INSL6: variants seen among roughly 807,000 people sequenced by gnomAD.
INSL6 encodes the protein insulin-like peptide INSL6.
A neutral mutation model predicts 9.4 loss-of-function variants in INSL6; 16 were observed. The ratio of observed to expected loss-of-function variants is 1.70; its 90% CI spans 1.15 to 2.59. The LOEUF (loss-of-function observed/expected upper bound fraction) is 2.59. Among genes scored for constraint, INSL6 ranks in the 30% most tolerant of loss-of-function variants. The probability of loss-of-function intolerance (pLI) is 0.00; values close to 1 mark genes in which losing one functional copy is unlikely to be tolerated. For missense variants in INSL6, 391 were observed against 257.3 expected, an observed-to-expected ratio of 1.52 and a Z score of -3.56; for synonymous variants, 154 against 96.9, an observed-to-expected ratio of 1.59 and a Z score of -3.46.
At chr9:4,992,830 T>G in the INSL6 span, among the ~76,000 whole-genome samples, 1 of 152,210 alleles carries the variant, frequency 6.6e-6, no homozygotes, top group Non-Finnish European at 1.5e-5. Context: ...TCTGTAGCAA[T>G]TCTGCAACCT....
At chr9:5,112,766 CG>C in the INSL6 span, 3 of 621,082 alleles carry the variant, frequency 4.8e-6, no homozygotes, top group Non-Finnish European at 7.5e-6. Flanking sequence ...GAAGGTGTCG[CG>C]CGTGTTCGGA....
In INSL6 at chr9:5,185,345, A is replaced by G. The variant is rs375514333; in HGVS notation, c.258T>C (p.Ala86=). ...SPYQFESPQT[A]SPARGRGTNP... Reference sequence around the variant, plus strand: ...TTGTGCCTCTTCCCCGGGCCGGGGAAGCGGTTTGCGGGCTTTCGAACTGGT... The same window carrying G: ...TTGTGCCTCTTCCCCGGGCCGGGGAGGCGGTTTGCGGGCTTTCGAACTGGT... The change falls in exon 1 of 2, where the codon GCT becomes GCC. Residue 86 remains alanine (A), a synonymous_variant. Coordinates refer to ENST00000381641, the MANE Select transcript of INSL6 (RefSeq NM_007179.3). The G allele has an allele frequency of 2.4e-5, 38 of 1,614,058 alleles. No individual in the cohort carries two copies. In the African/African-American group the frequency reaches 3.3e-4, roughly 14 times the overall value.
chr9:5,170,870 C>G (rs199784377), intron 1 of INSL6, among the ~76,000 whole-genome samples: 1 of 151,998 alleles, frequency 6.6e-6, no homozygotes, highest in Non-Finnish European at 1.5e-5. Flanking sequence ...CCAAAAAAAG[C>G]CCAGGACCAG....
chr9:5,127,384 T>C (rs1313954119), intron 3 of INSL6: 3 of 231,896 alleles, frequency 1.3e-5, no homozygotes, highest in African/African-American at 6.6e-5. Context: ...TGTATACTTT[T>C]AGCTTGTAGT....
chr9:5,049,242 G>A, the INSL6 span, among the ~76,000 whole-genome samples: 1 of 152,078 alleles, frequency 6.6e-6, no homozygotes, highest in Admixed American at 6.6e-5. Context: ...CTCTGCCAAT[G>A]GAAGAGACAT....
At chr9:5,041,149 C>A in the INSL6 span, 22 of 1,118,608 alleles carry the variant, frequency 2.0e-5, no homozygotes, top group Middle Eastern at 4.6e-4. Flanking sequence ...TCCGGCTGAT[C>A]ACGCGCATGG....
rs550893506 is a variant in INSL6, at chr9:5,138,737, A to AT, written c.377-5146_377-5145insA. Among the ~76,000 whole-genome samples the AT allele has an allele frequency of 1.5e-3, 221 of 151,788 alleles. 3 individuals are homozygous for AT. Among genetic ancestry groups the AT allele is most frequent in the South Asian group, 5.6e-3 (27 of 4,780 alleles). ...CCAGAACTTAAACTATAATAAAAAA[A>AT]AATAATAAAAGTACTGAATCCCACT... On this transcript the variant is annotated intron_variant, in intron 2 of 3. Coordinates refer to the INSL6 transcript ENST00000649639.
intron 2 of INSL6, among the ~76,000 whole-genome samples, chr9:5,151,919 A>C (rs1170887313): frequency 6.6e-6 from 1 of 152,220 alleles, no homozygotes; most frequent in Non-Finnish European, 1.5e-5. Flanking sequence ...GAAGATACAG[A>C]TAGGTTAAAA....
At chr9:5,089,663 G>A in the INSL6 span, 1 of 1,283,418 alleles carries the variant, frequency 7.8e-7, no homozygotes, top group Non-Finnish European at 1.0e-6. Context: ...CTAATGTGAT[G>A]TGTCATTTAG....
At position 5,185,613 on chromosome 9, in the gene INSL6, C is replaced by A. The variant is rs1240407888; in HGVS notation, c.-11G>T. ...GAGGAGCCGCGGCATCCCTGTGACC[C>A]CAGGCTAGTCCTCCGCGTTGTGCAA... On this transcript the variant is annotated 5_prime_UTR_variant, in exon 1 of 2. Transcript: ENST00000381641. 1 of 1,606,998 alleles carries A rather than the reference C, an allele frequency of 6.2e-7. No homozygotes were observed. Among genetic ancestry groups the A allele is most frequent in the East Asian group, 2.2e-5 (1 of 44,694 alleles).
downstream of INSL6, among the ~76,000 whole-genome samples, chr9:5,162,180 T>G (rs1365215949): frequency 6.6e-6 from 1 of 152,138 alleles, no homozygotes; most frequent in African/African-American, 2.4e-5. Context: ...ACAAGTAACT[T>G]AACATGGAGC....
chr9:5,157,569 G>A (rs1824839202), intron 2 of INSL6, among the ~76,000 whole-genome samples: 1 of 152,070 alleles, frequency 6.6e-6, no homozygotes, highest in Non-Finnish European at 1.5e-5. Context: ...ACAGAAAAAT[G>A]AACTCAAATG....
the INSL6 span, among the ~76,000 whole-genome samples, chr9:5,015,531 T>C: frequency 2.6e-5 from 2 of 76,158 alleles, no homozygotes; most frequent in African/African-American, 1.3e-4. Flanking sequence ...CTTTTTCTTT[T>C]TCTTTTCTTT....
At chr9:5,107,278 C>A in the INSL6 span, among the ~76,000 whole-genome samples, 37,446 of 151,978 alleles carry the variant, frequency 0.25, 4,993 homozygotes, top group South Asian at 0.3. Context: ...ACTACTACTA[C>A]TAATTACATT....
At chr9:5,025,427 TTTTC>T in the INSL6 span, among the ~76,000 whole-genome samples, 1 of 152,144 alleles carries the variant, frequency 6.6e-6, no homozygotes, top group Non-Finnish European at 1.5e-5. Context: ...GATGGTGGTT[TTTTC>T]TTTCTTCATT....
At chr9:5,170,542 A>C (rs1453565710) in intron 1 of INSL6, among the ~76,000 whole-genome samples, 2 of 147,484 alleles carry the variant, frequency 1.4e-5, no homozygotes, top group Non-Finnish European at 3.0e-5. Flanking sequence ...TCAAACAATC[A>C]ATGAATCCAG....
chr9:5,178,115 T>G (rs922287469), intron 1 of INSL6, among the ~76,000 whole-genome samples: 1 of 152,184 alleles, frequency 6.6e-6, no homozygotes, highest in South Asian at 2.1e-4. Context: ...TGTCAAGTGA[T>G]CCACCCGCCT....
At chr9:5,112,678 G>C in the INSL6 span, 4 of 938,398 alleles carry the variant, frequency 4.3e-6, no homozygotes, top group Non-Finnish European at 4.5e-6. Context: ...AGGCCGTCTC[G>C]GTCATCCTGA....
At chr9:5,040,576 G>T in the INSL6 span, among the ~76,000 whole-genome samples, 20 of 152,342 alleles carry the variant, frequency 1.3e-4, no homozygotes, top group East Asian at 9.6e-4. Context: ...TCTGATAATT[G>T]TCTTATCTCC....
Sources: gnomAD v4.1 joint callset for allele counts (sites outside exome capture counted in the v4.1 genomes callset) on GRCh38, gnomAD v4.1.1 for gene constraint, MANE v1.5 for transcripts, NCBI Gene and HGNC (gene_info 2026-07-23, HGNC 2026-07-21) for gene names.